The following SLC47A2 variants were observed in gnomAD, a reference collection of about 807,000 sequenced individuals.
SLC47A2 encodes the protein multidrug and toxin extrusion protein 2.
SLC47A2 carries 52 observed loss-of-function variants against 67.7 expected under a neutral mutation model. That is an observed-to-expected ratio of 0.77 (90% CI 0.61 to 0.97). SLC47A2 has a LOEUF of 0.97. Ranked by LOEUF, SLC47A2 falls within the 50% of genes least tolerant of loss-of-function variation. The pLI is 0.00. For missense variants in SLC47A2, 676 were observed against 712.3 expected, an observed-to-expected ratio of 0.95 and a Z score of 0.58; for synonymous variants, 278 against 292.9, an observed-to-expected ratio of 0.95 and a Z score of 0.52.
Position 19,678,515 on chromosome 17 carries a change from T to C in SLC47A2, c.*171A>G. Reference sequence around the variant, plus strand: ...GACCAGAACAGAATTGTCAAGTCTGTTCAGACCCCTCTGAGTGTCACCACA... The same window carrying C: ...GACCAGAACAGAATTGTCAAGTCTGCTCAGACCCCTCTGAGTGTCACCACA... On this transcript the variant is annotated 3_prime_UTR_variant, in exon 17 of 17. Transcript: ENST00000433844. 1 of 657,800 alleles carries C rather than the reference T, an allele frequency of 1.5e-6. No homozygotes were observed. The highest frequency in any genetic ancestry group is 2.6e-6 in the Non-Finnish European group (1 of 380,916). 40.7% of individuals were successfully genotyped at this position (657,800 alleles called of 1,614,324 possible). A position where few individuals can be genotyped will look rare whatever the true frequency, so the allele number is the denominator to read the frequency against.
intron 3 of SLC47A2, chr17:19,714,472 G>T (rs1036897429): frequency 1.2e-5 from 7 of 578,758 alleles, no homozygotes; most frequent in Non-Finnish European, 1.8e-5. Context: ...GACCTCCTCT[G>T]GGGGCAAGAG....
intron 2 of SLC47A2, 63 bp from the exon 3 acceptor site, chr17:19,714,852 A>C: frequency 6.2e-7 from 1 of 1,604,864 alleles, no homozygotes. Flanking sequence ...AGGCCCCTGC[A>C]TCTGGGCTGA....
rs868425805 is a variant in SLC47A2 at position 19,678,483 on chromosome 17, C to A, written c.*203G>T. 1 of 597,324 alleles carries A rather than the reference C, an allele frequency of 1.7e-6. No homozygotes were observed. The highest frequency in any genetic ancestry group is 3.0e-6 in the Non-Finnish European group (1 of 337,420). 37.0% of individuals were successfully genotyped at this position (597,324 alleles called of 1,614,324 possible). On this transcript the variant is annotated 3_prime_UTR_variant, in exon 17 of 17. Coordinates refer to ENST00000433844, the MANE Select transcript of SLC47A2 (RefSeq NM_001099646.3). The stretch of plus-strand genomic sequence containing the variant: ...GCAGTCCAAGTCACAGAAGAAAACT[C>A]CAGCTTGACCAGAACAGAATTGTCA...
At position 19,716,216 on chromosome 17, in the gene SLC47A2, T is replaced by G. The variant is rs2086261379; in HGVS notation, c.123+217A>C. On this transcript the variant is annotated intron_variant, in intron 1 of 16. Transcript: ENST00000433844. The stretch of plus-strand genomic sequence containing the variant: ...CCACCCCTTCTGTGTGGGGGCTGCC[T>G]GCTGCTGAGCAAAGTCAGGCCCCAC... The G allele has an allele frequency of 2.6e-5, 18 of 680,516 alleles. 1 individual carries two copies. In the South Asian group the frequency reaches 4.1e-4, roughly 16 times the overall value. 42.2% of individuals were successfully genotyped at this position (680,516 alleles called of 1,614,324 possible).
intron 8 of SLC47A2, 73 bp downstream of exon 8, chr17:19,707,673 C>A: frequency 7.3e-7 from 1 of 1,361,746 alleles, no homozygotes; most frequent in Non-Finnish European, 1.0e-6. Flanking sequence ...TGCCTGCTGA[C>A]CACCCTGCCC....
upstream of SLC47A2, chr17:19,718,158 G>A (rs2086302471): frequency 6.6e-6 from 1 of 152,354 alleles, no homozygotes; most frequent in African/African-American, 2.4e-5. Flanking sequence ...AGGGGACCTG[G>A]GCCTGGGGTC....
intron 5 of SLC47A2, among the ~76,000 whole-genome samples, chr17:19,710,625 G>C (rs998571000): frequency 6.6e-6 from 1 of 151,858 alleles, no homozygotes; most frequent in African/African-American, 2.4e-5. Flanking sequence ...GCTAATTTTT[G>C]TATTTTTAGT....
intron 1 of SLC47A2, 22 bp downstream of exon 1, chr17:19,716,410 GC>G: frequency 6.3e-7 from 1 of 1,599,188 alleles, no homozygotes; most frequent in Non-Finnish European, 8.5e-7. Flanking sequence ...CTCCCTACCT[GC>G]CCCCCAGCTC....
intron 13 of SLC47A2, among the ~76,000 whole-genome samples, chr17:19,682,360 CACACAA>C (rs1167343131): frequency 1.5e-4 from 22 of 151,274 alleles, no homozygotes; most frequent in African/African-American, 3.9e-4. Flanking sequence ...CACACACACA[CACACAA>C]ATTTATTATT....
intron 8 of SLC47A2, among the ~76,000 whole-genome samples, chr17:19,707,163 G>A (rs901806461): frequency 6.6e-6 from 1 of 152,174 alleles, no homozygotes; most frequent in African/African-American, 2.4e-5. Flanking sequence ...CACCACAGGT[G>A]CACTGGGCAA....
At chr17:19,690,552 T>C (rs2085517145) in intron 13 of SLC47A2, among the ~76,000 whole-genome samples, 2 of 152,008 alleles carry the variant, frequency 1.3e-5, no homozygotes, top group Admixed American at 1.3e-4. Flanking sequence ...CCAGAATATA[T>C]AAGGAGCTCA....
intron 13 of SLC47A2, among the ~76,000 whole-genome samples, chr17:19,691,588 T>C (rs900251372): frequency 2.0e-5 from 3 of 152,198 alleles, no homozygotes; most frequent in Admixed American, 2.0e-4. Context: ...AGAATGATGG[T>C]TACTAGAGGC....
At chr17:19,714,086 C>T in intron 3 of SLC47A2, 113 bp from the exon 4 acceptor site, 3 of 1,409,120 alleles carry the variant, frequency 2.1e-6, no homozygotes, top group Non-Finnish European at 2.8e-6. Flanking sequence ...ACCCGGCGGC[C>T]TCTGGTGACC....
rs764178926 is a variant in SLC47A2, at chr17:19,704,072, A to C, written c.1016T>G (p.Ile339Arg). ...KRSAVSGVLS[I>R]VGISLVLGTL... ...CACCAGGAGAGGACTCCACCTACCTATGCTGAGCACGCCCGAGACGGCCGA... is the reference window on the plus strand; with the variant it reads ...CACCAGGAGAGGACTCCACCTACCTCTGCTGAGCACGCCCGAGACGGCCGA... Residue 339 changes from isoleucine (I) to arginine (R), a missense_variant and splice_region_variant, in exon 11 of 17, where the codon ATA becomes AGA. Ile to Arg is a moderately conservative substitution (Grantham distance 97). Coordinates refer to ENST00000433844, the MANE Select transcript of SLC47A2 (RefSeq NM_001099646.3). The C allele has an allele frequency of 2.5e-6, 4 of 1,606,830 alleles. No homozygotes were observed. In the South Asian group the frequency reaches 4.4e-5, roughly 18 times the overall value.
intron 11 of SLC47A2, 36 bp downstream of exon 11, chr17:19,704,034 A>G: frequency 6.5e-7 from 1 of 1,532,824 alleles, no homozygotes; most frequent in Non-Finnish European, 8.8e-7. Flanking sequence ...ACTCAGGCCA[A>G]CGTTTGAAGG....
chr17:19,707,610 G>T, intron 8 of SLC47A2, 136 bp downstream of exon 8: 1 of 684,436 alleles, frequency 1.5e-6, no homozygotes, highest in Non-Finnish European at 2.4e-6. Flanking sequence ...AAAGGGGAAG[G>T]AGGGGGCCGT....
At chr17:19,706,812 A>G in intron 8 of SLC47A2, 51 bp from the exon 9 acceptor site, 1 of 1,429,538 alleles carries the variant, frequency 7.0e-7, no homozygotes, top group Non-Finnish European at 9.6e-7. Flanking sequence ...TGCCCACCTC[A>G]TTCCTGCTCC....
chr17:19,700,917 G>A (rs1287556952), intron 13 of SLC47A2, among the ~76,000 whole-genome samples: 1 of 151,884 alleles, frequency 6.6e-6, no homozygotes. Context: ...TGTAATCCCA[G>A]CGCATTTTGG....
intron 4 of SLC47A2, among the ~76,000 whole-genome samples, chr17:19,713,056 G>A (rs2086145015): frequency 6.6e-6 from 1 of 152,146 alleles, no homozygotes; most frequent in Admixed American, 6.5e-5. Flanking sequence ...AAATGAACAA[G>A]GCATCCCTAT....
Sources: gnomAD v4.1 joint callset for allele counts (sites outside exome capture counted in the v4.1 genomes callset) on GRCh38, gnomAD v4.1.1 for gene constraint, MANE v1.5 for transcripts, NCBI Gene and HGNC (gene_info 2026-07-23, HGNC 2026-07-21) for gene names.